The following ANTXR1 variants were observed in gnomAD, a reference collection of about 807,000 sequenced individuals.
ANTXR1 encodes anthrax toxin receptor 1.
A neutral mutation model predicts 78.1 loss-of-function variants in ANTXR1; 19 were observed. That is an observed-to-expected ratio of 0.24 (90% CI 0.17 to 0.36). The LOEUF (loss-of-function observed/expected upper bound fraction) is 0.36. Ranked by LOEUF, ANTXR1 falls within the 10% of genes least tolerant of loss-of-function variation. The pLI is 1.00. For missense variants in ANTXR1, 518 were observed against 718.6 expected (o/e 0.72, Z 3.19); for synonymous variants, 273 against 260.5 (o/e 1.05, Z -0.46).
chr2:69,130,254 G>T (rs1309668714), intron 12 of ANTXR1, among the ~76,000 whole-genome samples: 2 of 152,146 alleles, frequency 1.3e-5, no homozygotes, highest in African/African-American at 4.8e-5. Flanking sequence ...AAAAGAAAAT[G>T]ACCTAAAGTT....
At chr2:69,182,851 A>G (rs974384832) in intron 16 of ANTXR1, 191 bp downstream of exon 16, 5 of 736,024 alleles carry the variant, frequency 6.8e-6, no homozygotes, top group African/African-American at 1.8e-5. Flanking sequence ...CTGGGTTGAA[A>G]ACTAGGCTTT....
At chr2:69,119,926 A>G (rs1017361376) in intron 10 of ANTXR1, among the ~76,000 whole-genome samples, 4 of 152,250 alleles carry the variant, frequency 2.6e-5, no homozygotes, top group Non-Finnish European at 5.9e-5. Flanking sequence ...ACATACAGGA[A>G]GTGCTTAGAG....
chr2:69,156,609 A>C (rs1673531697), intron 13 of ANTXR1, among the ~76,000 whole-genome samples: 1 of 152,234 alleles, frequency 6.6e-6, no homozygotes, highest in Non-Finnish European at 1.5e-5. Context: ...GGCCTCAGGA[A>C]GGTTCCAGTC....
intron 12 of ANTXR1, among the ~76,000 whole-genome samples, chr2:69,132,791 T>C (rs995964779): frequency 2.0e-5 from 3 of 152,148 alleles, no homozygotes; most frequent in African/African-American, 2.4e-5. Flanking sequence ...GCCAATGATA[T>C]CATAACAATC....
At chr2:69,064,742 GA>G (rs1478211861) in intron 3 of ANTXR1, among the ~76,000 whole-genome samples, 4 of 152,196 alleles carry the variant, frequency 2.6e-5, no homozygotes, top group Admixed American at 2.6e-4. Flanking sequence ...GTATTTACTA[GA>G]GATAAAAAGT....
At chr2:69,086,949 G>A (rs776480676) in intron 8 of ANTXR1, among the ~76,000 whole-genome samples, 12 of 152,190 alleles carry the variant, frequency 7.9e-5, no homozygotes, top group East Asian at 1.9e-4. Context: ...CTCCCTCACC[G>A]TCCAATCCAA....
At position 69,182,582 on chromosome 2, in the gene ANTXR1, T is replaced by C. The variant is rs1231068262; in HGVS notation, c.1275T>C (p.Tyr425=). The C allele has an allele frequency of 3.1e-6, 5 of 1,614,112 alleles. No homozygotes were observed. The African/African-American group carries it at 4.0e-5, about 13-fold the overall frequency. Residue 425 remains tyrosine (Y), a synonymous_variant, in exon 16 of 18, where the codon TAT becomes TAC. Transcript: ENST00000303714. The stretch of plus-strand genomic sequence containing the variant: ...GAGTCAAGATGCCGGAGCAGGAATA[T>C]GAATTCCCTGAGCCGCGAAATCTCA... ...NARVKMPEQE[Y]EFPEPRNLNN...
intron 8 of ANTXR1, among the ~76,000 whole-genome samples, chr2:69,089,684 C>T (rs912192794): frequency 6.6e-5 from 10 of 152,126 alleles, no homozygotes; most frequent in South Asian, 2.1e-4. Context: ...AATAAATGGG[C>T]GTTTCCCAAT....
At chr2:69,045,767 T>C (rs1669748862) in intron 3 of ANTXR1, among the ~76,000 whole-genome samples, 1 of 152,170 alleles carries the variant, frequency 6.6e-6, no homozygotes, top group Admixed American at 6.5e-5. Flanking sequence ...CTCTGTACCA[T>C]GTAGGAGTTT....
intron 3 of ANTXR1, 105 bp downstream of exon 3, chr2:69,044,918 A>C: frequency 2.6e-6 from 3 of 1,143,312 alleles, no homozygotes; most frequent in Non-Finnish European, 3.9e-6. Context: ...ACTTTAATCT[A>C]ATAGTTCCTT....
At chr2:69,151,180 T>A (rs1278981308) in intron 12 of ANTXR1, among the ~76,000 whole-genome samples, 1 of 147,998 alleles carries the variant, frequency 6.8e-6, no homozygotes, top group South Asian at 2.1e-4. Flanking sequence ...CATATCTGAT[T>A]ATTTTCTTTT....
chr2:69,145,940 T>G, intron 12 of ANTXR1: 3 of 985,702 alleles, frequency 3.0e-6, no homozygotes, highest in Non-Finnish European at 2.4e-6. Flanking sequence ...AAGTTCCAAA[T>G]GTATACCTTT....
At chr2:69,054,869 G>C (rs1269009823) in intron 3 of ANTXR1, among the ~76,000 whole-genome samples, 1 of 152,128 alleles carries the variant, frequency 6.6e-6, no homozygotes, top group African/African-American at 2.4e-5. Context: ...GTTGTGTGAG[G>C]GCTTGATGGT....
intron 3 of ANTXR1, among the ~76,000 whole-genome samples, chr2:69,063,624 A>T (rs1009509403): frequency 3.9e-5 from 6 of 152,102 alleles, no homozygotes; most frequent in African/African-American, 1.4e-4. Flanking sequence ...GAAATGATAA[A>T]TATTTAGGTA....
intron 9 of ANTXR1, among the ~76,000 whole-genome samples, chr2:69,097,112 C>T (rs1225300954): frequency 1.3e-5 from 2 of 152,206 alleles, no homozygotes; most frequent in East Asian, 1.9e-4. Flanking sequence ...CCATTTGGCC[C>T]TGTCTAATTT....
At chr2:69,022,047 C>G (rs537940278) in intron 1 of ANTXR1, among the ~76,000 whole-genome samples, 4 of 152,320 alleles carry the variant, frequency 2.6e-5, no homozygotes, top group South Asian at 2.1e-4. Flanking sequence ...TAGACATGCT[C>G]TCCTGCCACC....
chr2:69,064,776 A>G (rs1670345179), intron 3 of ANTXR1, among the ~76,000 whole-genome samples: 1 of 152,246 alleles, frequency 6.6e-6, no homozygotes, highest in African/African-American at 2.4e-5. Context: ...TCTGTGTGTC[A>G]AAGACAATCC....
At chr2:69,122,169 A>G (rs57847890) in intron 10 of ANTXR1, among the ~76,000 whole-genome samples, 24,169 of 152,156 alleles carry the variant, frequency 0.16, 2,139 homozygotes, top group African/African-American at 0.23. Context: ...CCTACCTTGG[A>G]ACATGCCTTT....
At chr2:69,112,309 A>G (rs1405679808) in intron 10 of ANTXR1, among the ~76,000 whole-genome samples, 1 of 152,162 alleles carries the variant, frequency 6.6e-6, no homozygotes, top group African/African-American at 2.4e-5. Context: ...AGAGAGATGA[A>G]GTGCCCAAGT....
Sources: allele counts gnomAD v4.1 joint callset (sites outside exome capture counted in the v4.1 genomes callset), GRCh38; gene constraint gnomAD v4.1.1; transcripts MANE v1.5; gene names NCBI Gene and HGNC (gene_info 2026-07-23, HGNC 2026-07-21).